The following MAST4 variants were observed in gnomAD, a reference collection of about 807,000 sequenced individuals.
MAST4 encodes microtubule associated serine/threonine kinase family member 4.
Under a neutral mutation model 162.7 loss-of-function variants are expected in MAST4, and 89 were observed. The ratio of observed to expected loss-of-function variants is 0.55; its 90% CI spans 0.46 to 0.65. The LOEUF is 0.65. Ranked by LOEUF, MAST4 falls within the 30% of genes least tolerant of loss-of-function variation. The pLI is 0.00. For missense variants in MAST4, 3,153 were observed against 3,374.0 expected (o/e 0.93, Z 1.62); for synonymous variants, 1,479 against 1,361.1 (o/e 1.09, Z -1.91).
intron 1 of MAST4, among the ~76,000 whole-genome samples, chr5:66,710,483 G>C (rs990073810): frequency 9.2e-5 from 14 of 151,992 alleles, no homozygotes; most frequent in Non-Finnish European, 1.5e-4. Flanking sequence ...CTTAGATGTG[G>C]GTCTATAGAC....
Position 66,654,185 on chromosome 5 carries a change from G to C in MAST4, c.363+57167G>C, listed in dbSNP as rs1230655205. ...GGCTACAGATGGGATGGCCAGGGGA[G>C]ACTCCTCTGAGGAGTAATGTTTAAT... On this transcript the variant is annotated intron_variant, in intron 1 of 28. Coordinates refer to ENST00000403625, the MANE Select transcript of MAST4 (RefSeq NM_001164664.2). 3.9e-5 allele frequency among the ~76,000 whole-genome samples: 6 copies of C among 152,314 alleles called. No individual in the cohort carries two copies. In the South Asian group the frequency reaches 8.3e-4, roughly 21 times the overall value.
At chr5:67,073,409 G>T (rs535426086) in intron 5 of MAST4, among the ~76,000 whole-genome samples, 57 of 152,350 alleles carry the variant, frequency 3.7e-4, no homozygotes, top group Non-Finnish European at 6.3e-4. Flanking sequence ...TGCAAGGAAA[G>T]TTGGAAAAGT....
intron 4 of MAST4, among the ~76,000 whole-genome samples, chr5:66,994,323 G>A (rs1480898947): frequency 1.3e-5 from 2 of 152,012 alleles, no homozygotes; most frequent in African/African-American, 2.4e-5. Flanking sequence ...ACTTTTAAAT[G>A]GGATTTGCTT....
chr5:67,090,837 T>C (rs1763785996), intron 6 of MAST4, among the ~76,000 whole-genome samples: 1 of 150,326 alleles, frequency 6.7e-6, no homozygotes, highest in Non-Finnish European at 1.5e-5. Flanking sequence ...GTCAGAGGAG[T>C]GTGCACAGTC....
chr5:66,810,326 A>C (rs1023003036), intron 3 of MAST4, among the ~76,000 whole-genome samples: 6 of 152,144 alleles, frequency 3.9e-5, no homozygotes, highest in Non-Finnish European at 8.8e-5. Context: ...CCATTTTTGC[A>C]GGCCCATGCT....
chr5:66,603,374 G>C (rs189561179), intron 1 of MAST4, among the ~76,000 whole-genome samples: 21 of 150,978 alleles, frequency 1.4e-4, no homozygotes, highest in Admixed American at 5.2e-4. Flanking sequence ...ATTACTAGCT[G>C]CACCCAGAGA....
intron 14 of MAST4, among the ~76,000 whole-genome samples, chr5:67,128,052 T>C (rs1422988937): frequency 6.6e-6 from 1 of 152,176 alleles, no homozygotes; most frequent in African/African-American, 2.4e-5. Flanking sequence ...ATTTTTGTTA[T>C]TTTTTTCAAC....
intron 5 of MAST4, among the ~76,000 whole-genome samples, chr5:67,070,794 C>A (rs528609256): frequency 6.6e-6 from 1 of 152,220 alleles, no homozygotes; most frequent in South Asian, 2.1e-4. Flanking sequence ...AGGCAGGAGA[C>A]AGAAGGTGGA....
chr5:66,627,358 T>G (rs1744503880), intron 1 of MAST4, among the ~76,000 whole-genome samples: 1 of 152,160 alleles, frequency 6.6e-6, no homozygotes, highest in Non-Finnish European at 1.5e-5. Context: ...AGATTAGATT[T>G]GGGTGGGTTC....
chr5:66,924,508 C>T (rs189723700), intron 4 of MAST4, among the ~76,000 whole-genome samples: 224 of 152,142 alleles, frequency 1.5e-3, no homozygotes, highest in Non-Finnish European at 1.2e-3. Flanking sequence ...GTTCTCCTGC[C>T]TCAGCCTCCT....
chr5:66,708,959 C>G (rs1181849976), intron 1 of MAST4, among the ~76,000 whole-genome samples: 1 of 152,016 alleles, frequency 6.6e-6, no homozygotes, highest in Admixed American at 6.5e-5. Context: ...ATAATTATGT[C>G]CTGTGCAGGC....
Position 67,167,113 on chromosome 5 carries a change from T to A in MAST4, c.*62T>A. 1 of 1,410,688 alleles carries A rather than the reference T, an allele frequency of 7.1e-7. No individual in the cohort carries two copies. The highest frequency in any genetic ancestry group is 9.5e-7 in the Non-Finnish European group (1 of 1,056,916). 87.4% of individuals were successfully genotyped at this position (1,410,688 alleles called of 1,614,324 possible). The stretch of plus-strand genomic sequence containing the variant: ...CCTGAACGGGCGACTGTGTCTTGAC[T>A]ACCTTTCAAAACCAGCACTGTGTGG... On this transcript the variant is annotated 3_prime_UTR_variant, in exon 29 of 29. Coordinates refer to ENST00000403625, the MANE Select transcript of MAST4 (RefSeq NM_001164664.2).
At chr5:66,645,334 T>G (rs576658450) in intron 1 of MAST4, among the ~76,000 whole-genome samples, 1 of 152,232 alleles carries the variant, frequency 6.6e-6, no homozygotes, top group African/African-American at 2.4e-5. Context: ...TAGACAGTTA[T>G]CTAAAACGTG....
intron 3 of MAST4, among the ~76,000 whole-genome samples, chr5:66,897,829 A>G (rs1580803366): frequency 6.6e-6 from 1 of 152,178 alleles, no homozygotes; most frequent in Non-Finnish European, 1.5e-5. Flanking sequence ...TTCTGATTAA[A>G]AACAGAGTTG....
At chr5:66,782,931 T>C (rs1170867950) in intron 2 of MAST4, among the ~76,000 whole-genome samples, 1 of 152,222 alleles carries the variant, frequency 6.6e-6, no homozygotes, top group Non-Finnish European at 1.5e-5. Context: ...AGTGAATTTA[T>C]ATAAAGTTTG....
In MAST4 at chr5:67,026,657, G is replaced by A. The variant is rs187767372; in HGVS notation, c.675-27747G>A. Among the ~76,000 whole-genome samples the A allele has an allele frequency of 5.6e-3, 638 of 113,120 alleles. 4 individuals carry two copies. Among genetic ancestry groups the A allele is most frequent in the Middle Eastern group, 0.025 (6 of 238 alleles). The allele number at this position is 113,120 out of a possible 152,430, so 74.2% of individuals were successfully genotyped here. A position where few individuals can be genotyped will look rare whatever the true frequency, so the allele number is the denominator to read the frequency against. On this transcript the variant is annotated intron_variant, in intron 4 of 28. Transcript: ENST00000403625. ...AATACATTTTATTGACTCTTCTAGG[G>A]TTTCATACAGTTTTCTATCATGGTC...
chr5:66,898,292 A>G (rs1468889778), intron 3 of MAST4, among the ~76,000 whole-genome samples: 1 of 152,194 alleles, frequency 6.6e-6, no homozygotes, highest in Non-Finnish European at 1.5e-5. Context: ...AAAAATAAAT[A>G]AAAATTAAAA....
At chr5:66,986,623 T>TATAA (rs1749541734) in intron 4 of MAST4, 1 of 258,178 alleles carries the variant, frequency 3.9e-6, no homozygotes, top group East Asian at 1.3e-4. Context: ...TATATATTTA[T>TATAA]TTATTTATTT....
At chr5:67,143,638 G>T (rs1770692277) in intron 21 of MAST4, among the ~76,000 whole-genome samples, 2 of 152,116 alleles carry the variant, frequency 1.3e-5, no homozygotes, top group African/African-American at 4.8e-5. Flanking sequence ...TTACCTAGAT[G>T]CACCTGCAAA....
Sources: allele counts gnomAD v4.1 joint callset (sites outside exome capture counted in the v4.1 genomes callset), GRCh38; gene constraint gnomAD v4.1.1; transcripts MANE v1.5; gene names NCBI Gene and HGNC (gene_info 2026-07-23, HGNC 2026-07-21).